The following OPCML variants were observed in gnomAD, a reference collection of about 807,000 sequenced individuals.
OPCML encodes opioid binding protein/cell adhesion molecule like, also known as opioid-binding protein/cell adhesion molecule.
In OPCML, 13 loss-of-function variants were observed where a neutral mutation model predicts 37.8. The observed-to-expected ratio is 0.34, with a 90% CI of 0.22 to 0.55. OPCML has a LOEUF of 0.55. Among genes scored for constraint, OPCML ranks in the 20% least tolerant of loss-of-function variants. The pLI is 0.91. For missense variants in OPCML, 341 were observed against 435.6 expected (o/e 0.78, Z 1.93); for synonymous variants, 176 against 168.8 (o/e 1.04, Z -0.33).
At chr11:132,770,190 C>T (rs1179002196) in intron 2 of OPCML, among the ~76,000 whole-genome samples, 4 of 152,190 alleles carry the variant, frequency 2.6e-5, no homozygotes, top group Non-Finnish European at 5.9e-5. Context: ...GGGTCCCAAA[C>T]ACTTGTCTTA....
intron 3 of OPCML, among the ~76,000 whole-genome samples, chr11:132,587,911 A>C (rs1194569410): frequency 6.6e-6 from 1 of 152,100 alleles, no homozygotes; most frequent in Middle Eastern, 3.2e-3. Context: ...CATCTACCCT[A>C]GTGATTCACT....
intron 2 of OPCML, among the ~76,000 whole-genome samples, chr11:132,801,129 A>C (rs1205604540): frequency 1.3e-5 from 2 of 152,170 alleles, no homozygotes; most frequent in East Asian, 3.9e-4. Flanking sequence ...TGCAGTGTGC[A>C]TCTTTCTGGG....
At chr11:133,195,399 C>T (rs773797659) in intron 1 of OPCML, among the ~76,000 whole-genome samples, 1 of 152,208 alleles carries the variant, frequency 6.6e-6, no homozygotes, top group Non-Finnish European at 1.5e-5. Flanking sequence ...GAATCCTGCA[C>T]ATGTATGTGT....
intron 4 of OPCML, among the ~76,000 whole-genome samples, chr11:132,460,872 A>C (rs1713520813): frequency 6.6e-6 from 1 of 152,226 alleles, no homozygotes; most frequent in Admixed American, 6.5e-5. Context: ...CAATAATTGA[A>C]ATTTTAAAAA....
In OPCML at chr11:133,368,511, A is replaced by G. The variant is rs1944603373; in HGVS notation, c.61+163753T>C. ...AGTGTGTCCTTATCCTCCCAAGCCT[A>G]TGAGAGAATAAAAAAAGAACAGGTC... On this transcript the variant is annotated intron_variant, in intron 1 of 7. Coordinates refer to ENST00000524381, the MANE Select transcript of OPCML (RefSeq NM_001012393.5). 3.3e-5 allele frequency among the ~76,000 whole-genome samples: 5 copies of G among 152,266 alleles called. No individual in the cohort carries two copies. The South Asian group carries it at 1.0e-3, about 32-fold the overall frequency.
At chr11:133,388,616 G>A (rs1055225843) in intron 1 of OPCML, among the ~76,000 whole-genome samples, 3 of 152,190 alleles carry the variant, frequency 2.0e-5, no homozygotes, top group Non-Finnish European at 2.9e-5. Flanking sequence ...GCAACTATAG[G>A]AACCAGGAGG....
intron 4 of OPCML, among the ~76,000 whole-genome samples, chr11:132,475,249 C>T (rs2096151462): frequency 6.6e-6 from 1 of 152,196 alleles, no homozygotes; most frequent in Admixed American, 6.5e-5. Context: ...TCCTCTTCTC[C>T]TATTGCATTT....
At chr11:132,640,079 A>C (rs1309946915) in intron 3 of OPCML, among the ~76,000 whole-genome samples, 1 of 152,140 alleles carries the variant, frequency 6.6e-6, no homozygotes, top group Non-Finnish European at 1.5e-5. Flanking sequence ...CTGATGTTTC[A>C]CCTAGAAACC....
intron 2 of OPCML, among the ~76,000 whole-genome samples, chr11:132,761,877 G>A (rs539093248): frequency 6.6e-6 from 1 of 152,214 alleles, no homozygotes; most frequent in East Asian, 1.9e-4. Flanking sequence ...GGCCTTTGGA[G>A]GAGAAGAGGC....
intron 1 of OPCML, among the ~76,000 whole-genome samples, chr11:132,952,380 T>C (rs1041425642): frequency 6.6e-6 from 1 of 152,148 alleles, no homozygotes; most frequent in Non-Finnish European, 1.5e-5. Context: ...ACAAGTACTG[T>C]CCTCTAAAAA....
At chr11:132,457,780 C>T (rs1380624506) in intron 4 of OPCML, among the ~76,000 whole-genome samples, 1 of 152,176 alleles carries the variant, frequency 6.6e-6, no homozygotes, top group Non-Finnish European at 1.5e-5. Flanking sequence ...CTGCTGAGCC[C>T]TCTGGGGAAC....
chr11:133,329,859 G>C (rs946271849), intron 1 of OPCML, among the ~76,000 whole-genome samples: 6 of 152,146 alleles, frequency 3.9e-5, no homozygotes, highest in African/African-American at 1.4e-4. Context: ...AAACTAAAGA[G>C]CTTCTGCACA....
In OPCML at chr11:132,459,048, T is replaced by C. The variant is rs374275476; in HGVS notation, c.506-21689A>G. Reference sequence around the variant, plus strand: ...TTGTACTCTGTTCCATTAAAATTCATTGGGCCATCCTTCCCAATGTGGGCA... The same window carrying C: ...TTGTACTCTGTTCCATTAAAATTCACTGGGCCATCCTTCCCAATGTGGGCA... On this transcript the variant is annotated intron_variant, in intron 4 of 7. Coordinates refer to ENST00000524381, the MANE Select transcript of OPCML (RefSeq NM_001012393.5). Among the ~76,000 whole-genome samples, 18 of 152,350 alleles carry C rather than the reference T, an allele frequency of 1.2e-4. No homozygotes were observed. In the East Asian group the frequency reaches 3.5e-3, roughly 29 times the overall value.
intron 3 of OPCML, among the ~76,000 whole-genome samples, chr11:132,607,040 T>C (rs1019221788): frequency 6.6e-6 from 1 of 152,208 alleles, no homozygotes; most frequent in African/African-American, 2.4e-5. Context: ...AATTTTGTTT[T>C]CAGGCAGACT....
intron 1 of OPCML, among the ~76,000 whole-genome samples, chr11:133,479,303 T>C (rs1202951223): frequency 3.3e-5 from 5 of 152,158 alleles, no homozygotes; most frequent in Non-Finnish European, 7.3e-5. Context: ...CAGTGGCACA[T>C]TCATGGCCAT....
intron 1 of OPCML, among the ~76,000 whole-genome samples, chr11:132,968,077 A>G (rs1946254016): frequency 6.6e-6 from 1 of 152,202 alleles, no homozygotes; most frequent in African/African-American, 2.4e-5. Context: ...TGACAAATAT[A>G]TATCGACACA....
intron 1 of OPCML, among the ~76,000 whole-genome samples, chr11:132,972,440 A>G (rs888149849): frequency 1.3e-5 from 2 of 152,218 alleles, no homozygotes. Context: ...ACACACAGTT[A>G]CCAAGGTCAT....
chr11:133,277,866 G>A lies in OPCML; in HGVS notation c.61+254398C>T, dbSNP rs182676110. Among the ~76,000 whole-genome samples, 244 of 152,108 alleles carry A rather than the reference G, an allele frequency of 1.6e-3. 2 individuals are homozygous for A. Among genetic ancestry groups the A allele is most frequent in the Middle Eastern group, 6.8e-3 (2 of 294 alleles). ...CCATAAGATAGGCATTATTGTCCCC[G>A]TTTTGTAGGGGAGGAAAATGAGACT... On this transcript the variant is annotated intron_variant, in intron 1 of 7. Coordinates refer to ENST00000524381, the MANE Select transcript of OPCML (RefSeq NM_001012393.5).
intron 2 of OPCML, among the ~76,000 whole-genome samples, chr11:132,708,966 T>C (rs1199711342): frequency 6.6e-6 from 1 of 152,216 alleles, no homozygotes; most frequent in African/African-American, 2.4e-5. Flanking sequence ...CTCAAGTTTT[T>C]TATTTTTAGT....
Sources: allele counts gnomAD v4.1 joint callset (sites outside exome capture counted in the v4.1 genomes callset), GRCh38; gene constraint gnomAD v4.1.1; transcripts MANE v1.5; gene names NCBI Gene and HGNC (gene_info 2026-07-23, HGNC 2026-07-21).